Variants in ERBB4 observed in about 807,000 individuals in gnomAD.
The protein encoded by ERBB4 is erb-b2 receptor tyrosine kinase 4.
Under a neutral mutation model 158.0 loss-of-function variants are expected in ERBB4, and 42 were observed. The ratio of observed to expected loss-of-function variants is 0.27; its 90% CI spans 0.21 to 0.34. The LOEUF (loss-of-function observed/expected upper bound fraction) is 0.34, where lower values mean the gene tolerates loss of function less well. Among genes scored for constraint, ERBB4 ranks in the 10% least tolerant of loss-of-function variants. The pLI, the probability that ERBB4 is intolerant of heterozygous loss-of-function variation, is 1.00. For synonymous variants in ERBB4, 583 were observed against 558.7 expected (o/e 1.04, Z -0.61); for missense variants, 1,333 against 1,624.1 (o/e 0.82, Z 3.08).
In ERBB4 at chr2:211,944,113, T is replaced by C. The variant is rs1316275836; in HGVS notation, c.421+3317A>G. Reference sequence around the variant, plus strand: ...TATATATATACATGGTTACACTATATATATATACACACTATATATGTACAC... The same window carrying C: ...TATATATATACATGGTTACACTATACATATATACACACTATATATGTACAC... On this transcript the variant is annotated intron_variant, in intron 3 of 27. Transcript: ENST00000342788. 5.9e-3 allele frequency among the ~76,000 whole-genome samples: 846 copies of C among 142,472 alleles called. 9 individuals carry two copies. The highest frequency in any genetic ancestry group is 0.018 in the African/African-American group (676 of 37,732). 93.5% of individuals were successfully genotyped at this position (142,472 alleles called of 152,430 possible). A position where few individuals can be genotyped will look rare whatever the true frequency, so the allele number is the denominator to read the frequency against.
chr2:212,185,021 C>CTTTTTTTTTTTTTTTT (rs1553584051), intron 1 of ERBB4, among the ~76,000 whole-genome samples: 7 of 132,508 alleles, frequency 5.3e-5, no homozygotes, highest in African/African-American at 8.5e-5. Context: ...ACTTTTTTTT[C>CTTTTTTTTTTTTTTTT]TTTTTTTTTT....
chr2:211,652,393 C>A (rs1385271105), intron 16 of ERBB4, among the ~76,000 whole-genome samples: 1 of 152,102 alleles, frequency 6.6e-6, no homozygotes, highest in Non-Finnish European at 1.5e-5. Flanking sequence ...ACTTAAGGAT[C>A]ATAATACAAC....
chr2:212,413,134 A>AT (rs370397826), intron 1 of ERBB4, among the ~76,000 whole-genome samples: 6,341 of 101,212 alleles, frequency 0.063, 182 homozygotes, highest in Non-Finnish European at 0.071. Context: ...TGCGTGGCTA[A>AT]TTTTTTTTTT....
Position 212,329,410 on chromosome 2 carries a change from C to T in ERBB4, c.83-204507G>A, listed in dbSNP as rs149042113. Among the ~76,000 whole-genome samples, 97 of 152,144 alleles carry T rather than the reference C, an allele frequency of 6.4e-4. 1 individual carries two copies. Among genetic ancestry groups the T allele is most frequent in the African/African-American group, 2.3e-3 (94 of 41,550 alleles). On this transcript the variant is annotated intron_variant, in intron 1 of 27. Coordinates refer to ENST00000342788, the MANE Select transcript of ERBB4 (RefSeq NM_005235.3). Reference sequence around the variant, plus strand: ...GCCAGAGAACACTGTAATGGAAAAACAGTATGATAAAGTATGAAAGTTCAT... The same window carrying T: ...GCCAGAGAACACTGTAATGGAAAAATAGTATGATAAAGTATGAAAGTTCAT...
intron 3 of ERBB4, among the ~76,000 whole-genome samples, chr2:211,854,222 A>G (rs999479486): frequency 1.9e-4 from 29 of 152,128 alleles, no homozygotes; most frequent in African/African-American, 6.8e-4. Context: ...AAAATCAAGG[A>G]GTCCATAGTT....
intron 1 of ERBB4, among the ~76,000 whole-genome samples, chr2:212,172,331 T>C (rs2081542686): frequency 6.6e-6 from 1 of 152,130 alleles, no homozygotes; most frequent in Admixed American, 6.6e-5. Context: ...GTAAATTAGT[T>C]CTACCATTGT....
intron 19 of ERBB4, among the ~76,000 whole-genome samples, chr2:211,589,486 T>G (rs2068394979): frequency 6.6e-6 from 1 of 152,156 alleles, no homozygotes; most frequent in African/African-American, 2.4e-5. Flanking sequence ...CAAAACAAAT[T>G]TGTAGCCCGA....
intron 3 of ERBB4, among the ~76,000 whole-genome samples, chr2:211,831,931 G>A (rs2077230571): frequency 6.6e-6 from 1 of 151,918 alleles, no homozygotes; most frequent in Admixed American, 6.6e-5. Flanking sequence ...TGTCTTCACT[G>A]TACTTTTAAA....
chr2:211,545,707 G>C (rs571907219), intron 20 of ERBB4, among the ~76,000 whole-genome samples: 1 of 151,998 alleles, frequency 6.6e-6, no homozygotes, highest in Non-Finnish European at 1.5e-5. Flanking sequence ...TGCTTGGGGC[G>C]ATAATCATTA....
At chr2:211,610,363 G>A (rs73988618) in intron 19 of ERBB4, among the ~76,000 whole-genome samples, 4,348 of 152,062 alleles carry the variant, frequency 0.029, 236 homozygotes, top group African/African-American at 0.1. Context: ...CCTTCCTCCT[G>A]CAGGAACAGT....
At chr2:212,449,647 G>A (rs1241121330) in intron 1 of ERBB4, among the ~76,000 whole-genome samples, 1 of 151,556 alleles carries the variant, frequency 6.6e-6, no homozygotes, top group African/African-American at 2.4e-5. Context: ...AAGCTTCTTT[G>A]TAGACTATAT....
At chr2:212,025,944 C>T (rs1399839789) in intron 2 of ERBB4, among the ~76,000 whole-genome samples, 1 of 151,746 alleles carries the variant, frequency 6.6e-6, no homozygotes, top group Non-Finnish European at 1.5e-5. Flanking sequence ...TTCTCTGAAG[C>T]TTAACCTGTT....
At chr2:212,153,854 A>T (rs1035287536) in intron 1 of ERBB4, among the ~76,000 whole-genome samples, 1 of 152,144 alleles carries the variant, frequency 6.6e-6, no homozygotes, top group Non-Finnish European at 1.5e-5. Flanking sequence ...AGACTATTCT[A>T]TCCCAGTAAA....
At position 211,377,759 on chromosome 2, in the gene ERBB4, T is replaced by C. The variant is rs1200764395; in HGVS notation, c.*5856A>G. 1 of 232,384 alleles carries C rather than the reference T, an allele frequency of 4.3e-6. No individual in the cohort carries two copies. The highest frequency in any genetic ancestry group is 2.2e-5 in the African/African-American group (1 of 45,298). 14.4% of individuals were successfully genotyped at this position (232,384 alleles called of 1,614,324 possible). Reference sequence around the variant, plus strand: ...CTTGGTTATATGTACAGCTTTTATGTAAAGATTAAATCGAAGTTCTACCAA... The same window carrying C: ...CTTGGTTATATGTACAGCTTTTATGCAAAGATTAAATCGAAGTTCTACCAA... On this transcript the variant is annotated 3_prime_UTR_variant, in exon 28 of 28. Coordinates refer to ENST00000342788, the MANE Select transcript of ERBB4 (RefSeq NM_005235.3).
At chr2:211,981,723 T>C (rs1197815165) in intron 2 of ERBB4, among the ~76,000 whole-genome samples, 2 of 152,152 alleles carry the variant, frequency 1.3e-5, no homozygotes, top group South Asian at 2.1e-4. Flanking sequence ...AACTAATCAT[T>C]TTATCTTTTG....
intron 20 of ERBB4, among the ~76,000 whole-genome samples, chr2:211,493,216 T>A (rs896074606): frequency 6.6e-6 from 1 of 152,122 alleles, no homozygotes; most frequent in Non-Finnish European, 1.5e-5. Context: ...CTCTCAATTA[T>A]TTATACCATA....
At chr2:212,500,457 A>G (rs1288194887) in intron 1 of ERBB4, among the ~76,000 whole-genome samples, 1 of 152,142 alleles carries the variant, frequency 6.6e-6, no homozygotes, top group African/African-American at 2.4e-5. Flanking sequence ...ACCGTAAAAT[A>G]TTAACATATA....
At chr2:211,809,132 C>T (rs770070298) in intron 3 of ERBB4, among the ~76,000 whole-genome samples, 7 of 152,124 alleles carry the variant, frequency 4.6e-5, no homozygotes, top group Non-Finnish European at 1.0e-4. Flanking sequence ...TTTCTCTTGC[C>T]TGATTGCCCT....
intron 1 of ERBB4, among the ~76,000 whole-genome samples, chr2:212,140,401 C>CTA (rs2080416806): frequency 7.5e-6 from 1 of 133,994 alleles, no homozygotes; most frequent in Admixed American, 7.2e-5. Flanking sequence ...ATAGTAATAT[C>CTA]TATATATATT....
Sources: allele counts gnomAD v4.1 joint callset (sites outside exome capture counted in the v4.1 genomes callset), GRCh38; gene constraint gnomAD v4.1.1; transcripts MANE v1.5; gene names NCBI Gene and HGNC (gene_info 2026-07-23, HGNC 2026-07-21).